The following IL1RAP variants were observed in gnomAD, a reference collection of about 807,000 sequenced individuals.
IL1RAP encodes interleukin-1 receptor accessory protein.
IL1RAP carries 35 observed loss-of-function variants against 60.7 expected under a neutral mutation model. That is an observed-to-expected ratio of 0.58 (90% CI 0.44 to 0.76). The LOEUF is 0.76. IL1RAP is among the 30% of genes least tolerant of loss of function. IL1RAP has a pLI of 0.00. For synonymous variants in IL1RAP, 268 were observed against 250.9 expected, an observed-to-expected ratio of 1.07 and a Z score of -0.64; for missense variants, 572 against 693.9, an observed-to-expected ratio of 0.82 and a Z score of 1.97.
At chr3:190,627,195 G>A (rs1732364201) in intron 7 of IL1RAP, 128 bp from the exon 8 acceptor site, 1 of 725,826 alleles carries the variant, frequency 1.4e-6, no homozygotes, top group Non-Finnish European at 2.2e-6. Context: ...ATTAGCCAGA[G>A]AGTAGAACCA....
At chr3:190,612,262 T>A (rs1263966075) in intron 5 of IL1RAP, among the ~76,000 whole-genome samples, 2 of 152,070 alleles carry the variant, frequency 1.3e-5, no homozygotes, top group Non-Finnish European at 2.9e-5. Context: ...ACCTAAAAGA[T>A]GGTTAAAAAA....
chr3:190,656,251 G>A (rs553780114), downstream of IL1RAP: 31 of 1,537,202 alleles, frequency 2.0e-5, 1 homozygote, highest in East Asian at 7.3e-5. Flanking sequence ...TCTGGATCAC[G>A]TTCAAAGGAG....
chr3:190,612,803 G>A (rs560421217), intron 5 of IL1RAP, among the ~76,000 whole-genome samples: 1 of 152,186 alleles, frequency 6.6e-6, no homozygotes, highest in South Asian at 2.1e-4. Context: ...TCATAAGTTG[G>A]GGACCGTCTG....
intron 1 of IL1RAP, among the ~76,000 whole-genome samples, chr3:190,546,712 C>G (rs1375479365): frequency 6.6e-6 from 1 of 152,008 alleles, no homozygotes; most frequent in Non-Finnish European, 1.5e-5. Context: ...GGGGGCAGAG[C>G]CAGGAATTGG....
intron 11 of IL1RAP, 66 bp downstream of exon 11, chr3:190,645,908 T>A (rs1281222533): frequency 5.7e-6 from 8 of 1,404,770 alleles, no homozygotes; most frequent in African/African-American, 1.4e-5. Flanking sequence ...TAGTTTTGCA[T>A]TATGGGAGAG....
At chr3:190,523,303 C>A (rs1313688149) in intron 1 of IL1RAP, among the ~76,000 whole-genome samples, 2 of 152,048 alleles carry the variant, frequency 1.3e-5, no homozygotes, top group Non-Finnish European at 2.9e-5. Flanking sequence ...TTCCTTTATT[C>A]TGTGGCATTT....
At chr3:190,603,027 G>T (rs1360770832) in intron 3 of IL1RAP, among the ~76,000 whole-genome samples, 1 of 151,886 alleles carries the variant, frequency 6.6e-6, no homozygotes, top group Non-Finnish European at 1.5e-5. Context: ...TTCTTTAAAA[G>T]AAGTTTGTTT....
Position 190,645,774 on chromosome 3 carries a change from G to A in IL1RAP, c.1277G>A (p.Arg426His), listed in dbSNP as rs753039896. 23 of 1,613,332 alleles carry A rather than the reference G, an allele frequency of 1.4e-5. No individual in the cohort carries two copies. The highest frequency in any genetic ancestry group is 1.7e-5 in the Non-Finnish European group (20 of 1,179,354). The change falls in exon 11 of 12, where the codon CGT (arginine) becomes CAT (histidine). Residue 426 changes from arginine (R) to histidine (H), a missense_variant. Physicochemically the swap from Arg to His is conservative, Grantham distance 29 (BLOSUM62 0). Coordinates refer to ENST00000447382, the MANE Select transcript of IL1RAP (RefSeq NM_002182.4). Reference protein sequence around the residue: ...EEEEFVLLTLRGVLENEFGYK... With the variant: ...EEEEFVLLTLHGVLENEFGYK... ...GAAGAATTTGTATTACTGACCCTCC[G>A]TGGAGTTTTGGAGAATGAATTTGGA...
chr3:190,534,037 T>G (rs998508920), intron 1 of IL1RAP, among the ~76,000 whole-genome samples: 1 of 152,140 alleles, frequency 6.6e-6, no homozygotes, highest in Non-Finnish European at 1.5e-5. Flanking sequence ...TGATAATCCT[T>G]TGATTTAATG....
At chr3:190,605,114 A>G (rs1469005) in intron 4 of IL1RAP, among the ~76,000 whole-genome samples, 89,468 of 152,008 alleles carry the variant, frequency 0.59, 29,496 homozygotes, top group East Asian at 0.82. Flanking sequence ...GAGGCATGAC[A>G]TATATGTATG....
At chr3:190,588,932 T>C (rs1308307554) in intron 3 of IL1RAP, among the ~76,000 whole-genome samples, 1 of 152,158 alleles carries the variant, frequency 6.6e-6, no homozygotes, top group African/African-American at 2.4e-5. Flanking sequence ...ATTTTTGCAG[T>C]TGGTTTTATA....
At chr3:190,587,112 G>A (rs1282495889) in intron 3 of IL1RAP, among the ~76,000 whole-genome samples, 1 of 152,174 alleles carries the variant, frequency 6.6e-6, no homozygotes, top group East Asian at 1.9e-4. Context: ...ATATTATAGA[G>A]ATGGACAGGG....
intron 3 of IL1RAP, among the ~76,000 whole-genome samples, chr3:190,567,399 A>G (rs1463031628): frequency 6.6e-6 from 1 of 152,220 alleles, no homozygotes; most frequent in Non-Finnish European, 1.5e-5. Context: ...AGCAGTTTGC[A>G]TTGTACATAT....
At chr3:190,519,859 A>G (rs1319520495) in intron 1 of IL1RAP, among the ~76,000 whole-genome samples, 4 of 152,152 alleles carry the variant, frequency 2.6e-5, no homozygotes, top group Non-Finnish European at 5.9e-5. Flanking sequence ...CAGCTGAGAG[A>G]CTTACAAATG....
Position 190,644,243 on chromosome 3 carries a change from T to C in IL1RAP, c.1052-5T>C. 6.2e-7 allele frequency: 1 copy of C among 1,611,652 alleles called. No homozygotes were observed. Among genetic ancestry groups the C allele is most frequent in the Middle Eastern group, 1.7e-4 (1 of 6,050 alleles). ...TCAATTCTGTTTCTTTGTTGTTCAT[T>C]CCAGTGCCAGCTCCAAGATACACAG... is the stretch of plus-strand genomic sequence containing the variant. On this transcript the variant is annotated splice_region_variant and splice_polypyrimidine_tract_variant and intron_variant, in intron 9 of 11. Transcript: ENST00000447382.
intron 6 of IL1RAP, 121 bp downstream of exon 6, chr3:190,620,561 T>C (rs1731691611): frequency 5.8e-6 from 5 of 856,572 alleles, no homozygotes; most frequent in Non-Finnish European, 7.3e-6. Flanking sequence ...GTTTTTTGTT[T>C]ACAGTACTGT....
At chr3:190,535,901 G>A (rs1190036544) in intron 1 of IL1RAP, among the ~76,000 whole-genome samples, 6 of 152,180 alleles carry the variant, frequency 3.9e-5, no homozygotes, top group African/African-American at 1.2e-4. Flanking sequence ...TTGATAGGTT[G>A]TCTTTCTCAG....
intron 3 of IL1RAP, among the ~76,000 whole-genome samples, chr3:190,572,440 G>A (rs927365417): frequency 1.2e-4 from 17 of 138,526 alleles, no homozygotes; most frequent in African/African-American, 4.0e-4. Context: ...ATGAGGGAGA[G>A]AGGAAGAGAG....
At chr3:190,559,878 C>T (rs1224784479) in intron 2 of IL1RAP, among the ~76,000 whole-genome samples, 1 of 152,108 alleles carries the variant, frequency 6.6e-6, no homozygotes, top group Non-Finnish European at 1.5e-5. Flanking sequence ...AATATGCCCG[C>T]GTTTTATAAC....
Sources: allele counts gnomAD v4.1 joint callset (sites outside exome capture counted in the v4.1 genomes callset), GRCh38; gene constraint gnomAD v4.1.1; transcripts MANE v1.5; gene names NCBI Gene and HGNC (gene_info 2026-07-23, HGNC 2026-07-21).